Variants in CD247 observed in about 807,000 individuals in gnomAD.
CD247 encodes T-cell surface glycoprotein CD3 zeta chain.
In CD247, 13 loss-of-function variants were observed where a neutral mutation model predicts 30.0. The observed-to-expected ratio is 0.43, with a 90% CI of 0.28 to 0.69. The LOEUF is 0.69. CD247 is among the 30% of genes least tolerant of loss of function. CD247 has a pLI of 0.16. For missense variants in CD247, 193 were observed against 212.6 expected (o/e 0.91, Z 0.57); for synonymous variants, 72 against 80.0 (o/e 0.90, Z 0.53).
intron 1 of CD247, among the ~76,000 whole-genome samples, chr1:167,451,776 G>C (rs1409431223): frequency 6.6e-6 from 1 of 152,186 alleles, no homozygotes; most frequent in East Asian, 1.9e-4. Flanking sequence ...GGTCATTAGT[G>C]GGGGCCCTGA....
chr1:167,491,965 G>A (rs1293584335), intron 1 of CD247, among the ~76,000 whole-genome samples: 3 of 152,196 alleles, frequency 2.0e-5, no homozygotes, highest in Admixed American at 1.3e-4. Context: ...CAGGGGCTGG[G>A]AGGAGGCGGG....
intron 1 of CD247, among the ~76,000 whole-genome samples, chr1:167,471,897 A>T (rs1354756802): frequency 2.3e-5 from 3 of 131,980 alleles, no homozygotes; most frequent in Non-Finnish European, 4.6e-5. Flanking sequence ...CAGTAGTGCG[A>T]TCTCGGCTCA....
chr1:167,467,371 C>T (rs1653303640), intron 1 of CD247, among the ~76,000 whole-genome samples: 1 of 152,182 alleles, frequency 6.6e-6, no homozygotes, highest in Non-Finnish European at 1.5e-5. Context: ...CACCTGAAAA[C>T]TCTCATTTTC....
At chr1:167,466,127 G>A (rs1420551423) in intron 1 of CD247, among the ~76,000 whole-genome samples, 1 of 152,242 alleles carries the variant, frequency 6.6e-6, no homozygotes. Context: ...ACTAGCTGCA[G>A]AGCCCAAGAC....
chr1:167,449,779 C>T (rs958844612), intron 1 of CD247, among the ~76,000 whole-genome samples: 7 of 151,866 alleles, frequency 4.6e-5, no homozygotes, highest in Middle Eastern at 3.2e-3. Flanking sequence ...GAAAATTAGC[C>T]GGGCATGGTG....
At chr1:167,492,749 C>G (rs936871469) in intron 1 of CD247, among the ~76,000 whole-genome samples, 1 of 152,124 alleles carries the variant, frequency 6.6e-6, no homozygotes, top group African/African-American at 2.4e-5. Context: ...GGATGCCTAC[C>G]AGGGTAGGTG....
At chr1:167,469,148 A>G (rs1458071518) in intron 1 of CD247, among the ~76,000 whole-genome samples, 2 of 151,978 alleles carry the variant, frequency 1.3e-5, no homozygotes, top group Admixed American at 1.3e-4. Context: ...GTGCCCGGCT[A>G]ATTTTTGTAT....
intron 1 of CD247, among the ~76,000 whole-genome samples, chr1:167,504,545 C>G (rs1655040786): frequency 6.6e-6 from 1 of 152,226 alleles, no homozygotes; most frequent in African/African-American, 2.4e-5. Context: ...TTAGTCTTCT[C>G]TCCCCAGCTG....
Position 167,432,921 on chromosome 1 carries a change from G to A in CD247, c.429+103C>T, listed in dbSNP as rs6668371. On this transcript the variant is annotated intron_variant, in intron 7 of 7. Coordinates refer to ENST00000362089, the MANE Select transcript of CD247 (RefSeq NM_198053.3). Reference sequence around the variant, plus strand: ...TGCCTTGGGCTTGCCCTGCCCAGCTGTTGGCAAGAGCTGGTGCCACCAGCA... The same window carrying A: ...TGCCTTGGGCTTGCCCTGCCCAGCTATTGGCAAGAGCTGGTGCCACCAGCA... 1,384 of 1,305,186 alleles carry A rather than the reference G, an allele frequency of 1.1e-3. 14 individuals carry two copies. The African/African-American group carries it at 0.017, about 16-fold the overall frequency. The allele number at this position is 1,305,186 out of a possible 1,614,324, so 80.9% of individuals were successfully genotyped here.
At chr1:167,488,026 C>T (rs2102073184) in intron 1 of CD247, among the ~76,000 whole-genome samples, 1 of 152,322 alleles carries the variant, frequency 6.6e-6, no homozygotes, top group East Asian at 1.9e-4. Flanking sequence ...GCATGAGCCA[C>T]TGTGTGCCAG....
chr1:167,432,534 A>G (rs1236559399), intron 7 of CD247, among the ~76,000 whole-genome samples: 1 of 152,208 alleles, frequency 6.6e-6, no homozygotes, highest in Admixed American at 6.5e-5. Flanking sequence ...AGTTTGCATA[A>G]TTGCCTGCAC....
chr1:167,435,633 TG>T (rs1651510940), intron 4 of CD247, among the ~76,000 whole-genome samples, 199 bp from the exon 5 acceptor site: 2 of 152,186 alleles, frequency 1.3e-5, no homozygotes, highest in African/African-American at 4.8e-5. Flanking sequence ...CTTGGTTACC[TG>T]CAACTGGATA....
chr1:167,493,618 AC>A (rs920607481), intron 1 of CD247, among the ~76,000 whole-genome samples: 5 of 152,172 alleles, frequency 3.3e-5, no homozygotes, highest in Admixed American at 6.5e-5. Context: ...GTCCAAGATC[AC>A]ACAGCTGGAA....
intron 1 of CD247, among the ~76,000 whole-genome samples, chr1:167,463,538 A>T (rs1401065144): frequency 6.6e-6 from 1 of 152,200 alleles, no homozygotes; most frequent in Non-Finnish European, 1.5e-5. Context: ...GTCTGCTGGG[A>T]TATTTAGAAT....
rs1489863830 is a variant in CD247 at position 167,454,765 on chromosome 1, G to GT, written c.59-13999dup. On this transcript the variant is annotated intron_variant, in intron 1 of 7. Transcript: ENST00000362089. ...CCACCGAATCAGTCCCACTGCAACT[G>GT]TAAGCTGGAGACCCTCTGGGCCTTG... 2.6e-5 allele frequency among the ~76,000 whole-genome samples: 4 copies of GT among 152,214 alleles called. No individual in the cohort carries two copies. In the East Asian group the frequency reaches 7.7e-4, roughly 29 times the overall value.
intron 1 of CD247, among the ~76,000 whole-genome samples, chr1:167,513,844 A>G (rs1011432018): frequency 6.6e-6 from 1 of 152,206 alleles, no homozygotes; most frequent in African/African-American, 2.4e-5. Flanking sequence ...ATATGGTCCA[A>G]CCAGAAAACT....
chr1:167,495,908 C>T (rs1654670990), intron 1 of CD247, among the ~76,000 whole-genome samples: 1 of 152,208 alleles, frequency 6.6e-6, no homozygotes, highest in African/African-American at 2.4e-5. Context: ...CAGCCTGACA[C>T]TTCCTATGCA....
chr1:167,433,143 G>A, intron 6 of CD247, 84 bp from the exon 7 acceptor site: 2 of 1,402,754 alleles, frequency 1.4e-6, no homozygotes, highest in South Asian at 2.3e-5. Flanking sequence ...CCCCTCCCAA[G>A]GTACCCAGGA....
chr1:167,495,007 G>A (rs889009950), intron 1 of CD247, among the ~76,000 whole-genome samples: 1 of 152,200 alleles, frequency 6.6e-6, no homozygotes, highest in Non-Finnish European at 1.5e-5. Flanking sequence ...AGACAAAGTG[G>A]GAAGGCAGAT....
Sources: allele counts gnomAD v4.1 joint callset (sites outside exome capture counted in the v4.1 genomes callset), GRCh38; gene constraint gnomAD v4.1.1; transcripts MANE v1.5; gene names NCBI Gene and HGNC (gene_info 2026-07-23, HGNC 2026-07-21).